The following SH3RF1 variants were observed in gnomAD, a reference collection of about 807,000 sequenced individuals.
The protein encoded by SH3RF1 is E3 ubiquitin-protein ligase SH3RF1.
A neutral mutation model predicts 74.0 loss-of-function variants in SH3RF1; 32 were observed. The ratio of observed to expected loss-of-function variants is 0.43; its 90% CI spans 0.33 to 0.58. The LOEUF is 0.58. Among genes scored for constraint, SH3RF1 ranks in the 20% least tolerant of loss-of-function variants. SH3RF1 has a pLI of 0.05. For missense variants in SH3RF1, 954 were observed against 1,130.9 expected (o/e 0.84, Z 2.24); for synonymous variants, 396 against 439.6 (o/e 0.90, Z 1.24).
At chr4:169,219,163 A>C (rs1324389754) in intron 2 of SH3RF1, among the ~76,000 whole-genome samples, 1 of 152,210 alleles carries the variant, frequency 6.6e-6, no homozygotes, top group Non-Finnish European at 1.5e-5. Context: ...AGAACAGTGG[A>C]AGAAGGAACA....
rs531713496 is a variant in SH3RF1 at position 169,141,398 on chromosome 4, T to A, written c.766-4778A>T. On this transcript the variant is annotated intron_variant, in intron 4 of 11. Coordinates refer to ENST00000284637, the MANE Select transcript of SH3RF1 (RefSeq NM_020870.4). ...AGAGACGTTGCCATTTACTATGTCT[T>A]GGCAGGCTCGTACAAGCATATCCAT... is the stretch of plus-strand genomic sequence containing the variant. Among the ~76,000 whole-genome samples, 26 of 152,328 alleles carry A rather than the reference T, an allele frequency of 1.7e-4. 1 individual carries two copies. In the South Asian group the frequency reaches 5.4e-3, roughly 32 times the overall value.
chr4:169,199,278 A>G (rs1734869658), intron 2 of SH3RF1, among the ~76,000 whole-genome samples: 1 of 152,252 alleles, frequency 6.6e-6, no homozygotes, highest in South Asian at 2.1e-4. Flanking sequence ...ACGTTTAGAA[A>G]AACATTAGCT....
chr4:169,126,868 G>C (rs1195681619), intron 6 of SH3RF1, among the ~76,000 whole-genome samples: 1 of 152,196 alleles, frequency 6.6e-6, no homozygotes, highest in Non-Finnish European at 1.5e-5. Flanking sequence ...TGGGATTATA[G>C]GCATGGGCCA....
At chr4:169,203,008 G>GA (rs985420696) in intron 2 of SH3RF1, among the ~76,000 whole-genome samples, 2 of 152,024 alleles carry the variant, frequency 1.3e-5, no homozygotes, top group African/African-American at 4.8e-5. Context: ...AGCTCTTGGA[G>GA]AAAAAAAGGT....
At chr4:169,258,912 CA>C (rs1731231424) in intron 2 of SH3RF1, among the ~76,000 whole-genome samples, 3 of 152,150 alleles carry the variant, frequency 2.0e-5, no homozygotes, top group Non-Finnish European at 4.4e-5. Context: ...AGCTTTTCAA[CA>C]TTACTGCTCA....
intron 4 of SH3RF1, among the ~76,000 whole-genome samples, chr4:169,145,553 G>A (rs1281760871): frequency 2.0e-5 from 3 of 147,250 alleles, no homozygotes; most frequent in South Asian, 2.1e-4. Flanking sequence ...TGTACCCCCC[G>A]AATCTGTAAA....
intron 4 of SH3RF1, 89 bp downstream of exon 4, chr4:169,155,391 G>C: frequency 1.0e-6 from 1 of 966,282 alleles, no homozygotes; most frequent in Non-Finnish European, 1.6e-6. Flanking sequence ...TTTTTGTTGT[G>C]AGGACTTCTT....
At chr4:169,264,645 C>T (rs1280594456) in intron 2 of SH3RF1, among the ~76,000 whole-genome samples, 1 of 152,230 alleles carries the variant, frequency 6.6e-6, no homozygotes, top group East Asian at 1.9e-4. Context: ...AGCTCCAATC[C>T]CGTATCTGTT....
chr4:169,118,766 T>C (rs942272422), intron 8 of SH3RF1, among the ~76,000 whole-genome samples: 1 of 152,148 alleles, frequency 6.6e-6, no homozygotes. Context: ...TGGTGTATTA[T>C]TTTTTAAATA....
intron 2 of SH3RF1, among the ~76,000 whole-genome samples, chr4:169,228,914 T>C (rs1730691341): frequency 6.6e-6 from 1 of 152,072 alleles, no homozygotes; most frequent in Admixed American, 6.5e-5. Flanking sequence ...TGTTAGAATT[T>C]TACTTTAAAA....
At chr4:169,201,104 C>G (rs1429496321) in intron 2 of SH3RF1, among the ~76,000 whole-genome samples, 1 of 151,952 alleles carries the variant, frequency 6.6e-6, no homozygotes, top group East Asian at 1.9e-4. Flanking sequence ...TTGAAAAAAA[C>G]CTTTTCTATG....
intron 2 of SH3RF1, among the ~76,000 whole-genome samples, chr4:169,225,561 A>G (rs991052649): frequency 2.6e-5 from 4 of 152,234 alleles, no homozygotes; most frequent in African/African-American, 9.6e-5. Context: ...TAAAAGGCCA[A>G]TGGATTTAGT....
chr4:169,197,194 G>A (rs1734827900), intron 2 of SH3RF1, among the ~76,000 whole-genome samples: 2 of 151,938 alleles, frequency 1.3e-5, no homozygotes, highest in Admixed American at 6.6e-5. Flanking sequence ...TAAAGATGGG[G>A]TTTCACCATG....
intron 2 of SH3RF1, among the ~76,000 whole-genome samples, chr4:169,184,806 T>C (rs1330064036): frequency 6.6e-6 from 1 of 152,188 alleles, no homozygotes; most frequent in Non-Finnish European, 1.5e-5. Context: ...CTAAATCATA[T>C]CTTGATTAGC....
chr4:169,183,101 T>C (rs1231300168), intron 2 of SH3RF1, among the ~76,000 whole-genome samples: 3 of 151,868 alleles, frequency 2.0e-5, no homozygotes, highest in Non-Finnish European at 4.4e-5. Context: ...AGGTCAGGAG[T>C]TCGAGACCAG....
At chr4:169,123,324 A>C (rs1359260934) in intron 6 of SH3RF1, among the ~76,000 whole-genome samples, 2 of 152,246 alleles carry the variant, frequency 1.3e-5, no homozygotes, top group Non-Finnish European at 2.9e-5. Flanking sequence ...TAGTTCCAGA[A>C]ACATAACGAA....
chr4:169,156,385 A>T lies in SH3RF1; in HGVS notation c.669+19T>A. On this transcript the variant is annotated intron_variant, in intron 3 of 11. Transcript: ENST00000284637. ...GAGGTAGAGCTGGCAAACAGAAAACAAGCACATTCTACCTTTACCTTTGCA... is the reference window on the plus strand; with the variant it reads ...GAGGTAGAGCTGGCAAACAGAAAACTAGCACATTCTACCTTTACCTTTGCA... 1 of 1,538,730 alleles carries T rather than the reference A, an allele frequency of 6.5e-7. No individual in the cohort carries two copies. Among genetic ancestry groups the T allele is most frequent in the Non-Finnish European group, 8.8e-7 (1 of 1,140,206 alleles).
At chr4:169,130,330 T>C (rs1321321066) in intron 5 of SH3RF1, among the ~76,000 whole-genome samples, 174 bp from the exon 6 acceptor site, 1 of 152,080 alleles carries the variant, frequency 6.6e-6, no homozygotes, top group Non-Finnish European at 1.5e-5. Context: ...GTGACCTAAT[T>C]TGAACCAGGC....
intron 2 of SH3RF1, among the ~76,000 whole-genome samples, chr4:169,237,825 T>C (rs1730844034): frequency 6.6e-6 from 1 of 152,154 alleles, no homozygotes; most frequent in African/African-American, 2.4e-5. Flanking sequence ...ATTCAAGACC[T>C]GTAGGACCAA....
Sources: allele counts gnomAD v4.1 joint callset (sites outside exome capture counted in the v4.1 genomes callset), GRCh38; gene constraint gnomAD v4.1.1; transcripts MANE v1.5; gene names NCBI Gene and HGNC (gene_info 2026-07-23, HGNC 2026-07-21).